SESN1: variants seen among roughly 807,000 people sequenced by gnomAD.
SESN1 encodes the protein sestrin 1, also known as sestrin-1.
In SESN1, 30 loss-of-function variants were observed where a neutral mutation model predicts 59.3. The observed-to-expected ratio is 0.51, with a 90% CI of 0.38 to 0.69. SESN1 has a LOEUF of 0.69. SESN1 is among the 30% of genes least tolerant of loss of function. The probability of loss-of-function intolerance (pLI) is 0.00; values close to 1 mark genes in which losing one functional copy is unlikely to be tolerated. For missense variants in SESN1, 566 were observed against 673.0 expected (o/e 0.84, Z 1.76); for synonymous variants, 197 against 219.9 (o/e 0.90, Z 0.92).
At chr6:109,018,705 G>C (rs1376097079) in intron 1 of SESN1, among the ~76,000 whole-genome samples, 1 of 151,850 alleles carries the variant, frequency 6.6e-6, no homozygotes, top group Non-Finnish European at 1.5e-5. Context: ...TCACTTTTTT[G>C]TTCAAGCTTC....
chr6:109,000,196 C>A, intron 4 of SESN1: 1 of 204,010 alleles, frequency 4.9e-6, no homozygotes, highest in Non-Finnish European at 9.7e-6. Context: ...AGGGTACTAA[C>A]TATTCCATAT....
At position 109,036,111 on chromosome 6, in the gene SESN1, T is replaced by TG. The variant is rs200234007; in HGVS notation, c.280-33769_280-33768insC. ...TCTTCTAGCCTCTTATTAGGACCTT[T>TG]TCCTACCAAGGTACACTTAGGAAAG... On this transcript the variant is annotated intron_variant, in intron 1 of 9. Transcript: ENST00000436639. Among the ~76,000 whole-genome samples the TG allele has an allele frequency of 5.9e-3, 901 of 152,304 alleles. 13 individuals are homozygous for TG. Among genetic ancestry groups the TG allele is most frequent in the African/African-American group, 0.021 (858 of 41,548 alleles).
At chr6:108,999,937 G>C (rs1007248789) in intron 4 of SESN1, 1 of 152,118 alleles carries the variant, frequency 6.6e-6, no homozygotes, top group Admixed American at 6.6e-5. Context: ...CTATACAATA[G>C]AGAATTATTC....
intron 8 of SESN1, among the ~76,000 whole-genome samples, chr6:108,990,068 A>C (rs1583257274): frequency 6.6e-6 from 1 of 152,212 alleles, no homozygotes; most frequent in African/African-American, 2.4e-5. Flanking sequence ...TTTTACAGCA[A>C]AAATAGTTAA....
intron 1 of SESN1, among the ~76,000 whole-genome samples, chr6:109,069,418 ATGCC>A: frequency 6.6e-6 from 1 of 152,216 alleles, no homozygotes; most frequent in East Asian, 1.9e-4. Flanking sequence ...TAATGGAATA[ATGCC>A]TTCACAGTTA....
At chr6:109,003,796 A>G (rs1178662363) in intron 1 of SESN1, among the ~76,000 whole-genome samples, 2 of 152,220 alleles carry the variant, frequency 1.3e-5, no homozygotes, top group Non-Finnish European at 2.9e-5. Flanking sequence ...TTTATATACA[A>G]TGATGACTCT....
At chr6:108,991,422 T>C (rs1343185928) in intron 7 of SESN1, among the ~76,000 whole-genome samples, 2 of 152,272 alleles carry the variant, frequency 1.3e-5, no homozygotes, top group African/African-American at 4.8e-5. Flanking sequence ...TTAAAATTAT[T>C]TGTAGAGATA....
intron 1 of SESN1, among the ~76,000 whole-genome samples, chr6:109,011,066 G>A (rs1768911704): frequency 6.6e-6 from 1 of 152,154 alleles, no homozygotes; most frequent in South Asian, 2.1e-4. Flanking sequence ...ATTTCTGAAG[G>A]AATCACAGTT....
chr6:109,029,360 T>C (rs1417928350), intron 1 of SESN1, among the ~76,000 whole-genome samples: 2 of 152,226 alleles, frequency 1.3e-5, no homozygotes, highest in East Asian at 1.9e-4. Context: ...TTTATGGCAA[T>C]TGTACTATTC....
At chr6:109,004,266 A>G (rs1270759323) in intron 1 of SESN1, among the ~76,000 whole-genome samples, 4 of 152,186 alleles carry the variant, frequency 2.6e-5, no homozygotes, top group South Asian at 2.1e-4. Flanking sequence ...GTCATAAAAT[A>G]TAAGATTGAT....
At chr6:109,093,315 A>G (rs1781367450) in intron 1 of SESN1, among the ~76,000 whole-genome samples, 1 of 152,224 alleles carries the variant, frequency 6.6e-6, no homozygotes, top group Non-Finnish European at 1.5e-5. Flanking sequence ...ATTATTTTAT[A>G]TAATTCTCTT....
At chr6:109,073,566 C>T (rs1205834050) in intron 1 of SESN1, among the ~76,000 whole-genome samples, 3 of 152,066 alleles carry the variant, frequency 2.0e-5, no homozygotes, top group East Asian at 1.9e-4. Flanking sequence ...TGCCATCTAG[C>T]GCTCATAAAA....
intron 1 of SESN1, among the ~76,000 whole-genome samples, chr6:109,012,057 C>T (rs145058061): frequency 4.0e-4 from 61 of 152,258 alleles, no homozygotes; most frequent in Non-Finnish European, 4.9e-4. Context: ...TCTGAAGGTG[C>T]TGCTCCTCTC....
At chr6:109,065,181 T>C (rs1780801871) in intron 1 of SESN1, among the ~76,000 whole-genome samples, 1 of 152,158 alleles carries the variant, frequency 6.6e-6, no homozygotes, top group Non-Finnish European at 1.5e-5. Context: ...TATCATAACC[T>C]TTATAAGCAT....
At position 109,044,572 on chromosome 6, in the gene SESN1, A is replaced by G. The variant is rs140188157; in HGVS notation, c.280-42229T>C. Among the ~76,000 whole-genome samples, 741 of 152,206 alleles carry G rather than the reference A, an allele frequency of 4.9e-3. 4 individuals carry two copies. The highest frequency in any genetic ancestry group is 0.017 in the African/African-American group (687 of 41,534). ...GAAGAAAACATAAGAGAATATCTAC[A>G]TCTAGATCACCCTGAATGATCTCAC... On this transcript the variant is annotated intron_variant, in intron 1 of 9. Coordinates refer to ENST00000436639, the MANE Select transcript of SESN1 (RefSeq NM_014454.3).
At chr6:109,032,642 AAAGGT>A (rs1318580123) in intron 1 of SESN1, among the ~76,000 whole-genome samples, 4 of 152,004 alleles carry the variant, frequency 2.6e-5, no homozygotes, top group Non-Finnish European at 5.9e-5. Flanking sequence ...GGGGAAGAGA[AAAGGT>A]AAGAAGACAG....
intron 1 of SESN1, among the ~76,000 whole-genome samples, chr6:109,047,570 G>A (rs1210750216): frequency 1.0e-4 from 14 of 137,582 alleles, no homozygotes; most frequent in Middle Eastern, 8.8e-3. Context: ...CCCTCTGCCC[G>A]GCCACCACCC....
chr6:109,071,962 C>T (rs1176491240), intron 1 of SESN1, among the ~76,000 whole-genome samples: 2 of 152,122 alleles, frequency 1.3e-5, no homozygotes, highest in South Asian at 2.1e-4. Flanking sequence ...GGCTCTCTCC[C>T]AAGAAAAATG....
At chr6:109,039,877 A>G (rs1014768912) in intron 1 of SESN1, among the ~76,000 whole-genome samples, 3 of 152,214 alleles carry the variant, frequency 2.0e-5, no homozygotes, top group African/African-American at 7.2e-5. Context: ...TCTGAAAAGG[A>G]AGCAGGATGG....
Sources: allele counts gnomAD v4.1 joint callset (sites outside exome capture counted in the v4.1 genomes callset), GRCh38; gene constraint gnomAD v4.1.1; transcripts MANE v1.5; gene names NCBI Gene and HGNC (gene_info 2026-07-23, HGNC 2026-07-21).